Variants in HERC6 observed in about 807,000 individuals in gnomAD.
HERC6 encodes the protein probable E3 ubiquitin-protein ligase HERC6.
HERC6 carries 101 observed loss-of-function variants against 114.5 expected under a neutral mutation model. The observed-to-expected ratio is 0.88, with a 90% confidence interval of 0.75 to 1.04. The LOEUF (loss-of-function observed/expected upper bound fraction) is 1.04, where lower values mean the gene tolerates loss of function less well. Ranked by LOEUF, HERC6 falls within the 50% of genes least tolerant of loss-of-function variation. HERC6 has a pLI of 0.00. For synonymous variants in HERC6, 408 were observed against 436.2 expected, an observed-to-expected ratio of 0.94 and a Z score of 0.81; for missense variants, 1,133 against 1,230.9, an observed-to-expected ratio of 0.92 and a Z score of 1.19.
At chr4:88,390,374 A>C (rs1299894665) in intron 3 of HERC6, among the ~76,000 whole-genome samples, 1 of 152,024 alleles carries the variant, frequency 6.6e-6, no homozygotes, top group Non-Finnish European at 1.5e-5. Context: ...TGTATACTTG[A>C]AGTTTGCTAA....
chr4:88,424,184 C>T (rs1737355626), intron 14 of HERC6, among the ~76,000 whole-genome samples: 1 of 152,152 alleles, frequency 6.6e-6, no homozygotes, highest in African/African-American at 2.4e-5. Flanking sequence ...CTAAGTAATT[C>T]GGATTCTTAC....
intron 15 of HERC6, 42 bp downstream of exon 15, chr4:88,424,744 A>T: frequency 8.3e-7 from 1 of 1,205,764 alleles, no homozygotes; most frequent in Non-Finnish European, 1.2e-6. Flanking sequence ...TTTCAAACAT[A>T]TATAAAATAG....
intron 8 of HERC6, among the ~76,000 whole-genome samples, chr4:88,403,743 G>A (rs2148890851): frequency 6.6e-6 from 1 of 151,896 alleles, no homozygotes; most frequent in South Asian, 2.1e-4. Context: ...GACAGAGCAA[G>A]ACTCTGTCTC....
At chr4:88,398,570 T>C (rs1735371441) in intron 8 of HERC6, 1 of 163,284 alleles carries the variant, frequency 6.1e-6, no homozygotes, top group African/African-American at 2.4e-5. Flanking sequence ...AAGGAAGGGT[T>C]TCTGACATGT....
At chr4:88,417,623 C>T in intron 13 of HERC6, 44 bp downstream of exon 13, 1 of 1,526,728 alleles carries the variant, frequency 6.5e-7, no homozygotes, top group South Asian at 1.2e-5. Flanking sequence ...TTTATGTAAT[C>T]AAAATCCCTT....
intron 11 of HERC6, among the ~76,000 whole-genome samples, chr4:88,409,191 T>C (rs1735960009): frequency 6.6e-6 from 1 of 152,224 alleles, no homozygotes; most frequent in African/African-American, 2.4e-5. Flanking sequence ...TCAAGCCCCT[T>C]TCATCCTCCT....
chr4:88,437,599 C>A, intron 19 of HERC6, 112 bp from the exon 20 acceptor site: 1 of 698,218 alleles, frequency 1.4e-6, no homozygotes. Flanking sequence ...TATTTAGCTC[C>A]AAGTTATTTT....
At position 88,424,322 on chromosome 4, in the gene HERC6, A is replaced by G. The variant is rs75547082; in HGVS notation, c.1828-273A>G. ...GGCAACATGGTGAAACGCTGTCTCT[A>G]TCGAAAAAATACAAATACGTGGTAG... On this transcript the variant is annotated intron_variant, in intron 14 of 22. Transcript: ENST00000264346. Among the ~76,000 whole-genome samples the G allele has an allele frequency of 8.8e-3, 1,347 of 152,254 alleles. 18 individuals carry two copies. Among genetic ancestry groups the G allele is most frequent in the African/African-American group, 0.03 (1,230 of 41,540 alleles).
chr4:88,381,701 G>T (rs1428750299), intron 1 of HERC6, among the ~76,000 whole-genome samples: 2 of 151,784 alleles, frequency 1.3e-5, no homozygotes, highest in African/African-American at 4.8e-5. Flanking sequence ...GGGATTACAG[G>T]CACTCACCAC....
intron 1 of HERC6, among the ~76,000 whole-genome samples, chr4:88,381,539 G>C (rs1734319707): frequency 6.8e-6 from 1 of 148,116 alleles, no homozygotes; most frequent in African/African-American, 2.5e-5. Flanking sequence ...CTTCATCTTA[G>C]GTGACCCTTC....
In HERC6 at chr4:88,413,483, C is replaced by T. The variant is rs1011044293; in HGVS notation, c.1558+217C>T. Among the ~76,000 whole-genome samples the T allele has an allele frequency of 4.5e-4, 68 of 152,078 alleles. 1 individual carries two copies. Among genetic ancestry groups the T allele is most frequent in the Non-Finnish European group, 2.2e-4 (15 of 68,014 alleles). On this transcript the variant is annotated intron_variant, in intron 12 of 22. Transcript: ENST00000264346. Reference sequence around the variant, plus strand: ...TTAGACTTGGATGTGGCTTTGACATCAGAGTTTGGTAGCTATAAGGTATTC... The same window carrying T: ...TTAGACTTGGATGTGGCTTTGACATTAGAGTTTGGTAGCTATAAGGTATTC...
At chr4:88,422,744 A>T (rs562326410) in intron 13 of HERC6, among the ~76,000 whole-genome samples, 1 of 152,258 alleles carries the variant, frequency 6.6e-6, no homozygotes, top group South Asian at 2.1e-4. Context: ...TGCTAATCTC[A>T]TGAAATTATT....
intron 3 of HERC6, among the ~76,000 whole-genome samples, chr4:88,389,489 G>A (rs1319909871): frequency 6.6e-6 from 1 of 152,096 alleles, no homozygotes; most frequent in South Asian, 2.1e-4. Flanking sequence ...GGTGAGAAAT[G>A]GTTGGATTCT....
chr4:88,419,750 C>A (rs1736844455), intron 13 of HERC6, among the ~76,000 whole-genome samples: 1 of 151,968 alleles, frequency 6.6e-6, no homozygotes, highest in African/African-American at 2.4e-5. Context: ...TAATTAAGAC[C>A]ATTACACTGT....
At chr4:88,389,781 G>A (rs950435364) in intron 3 of HERC6, among the ~76,000 whole-genome samples, 2 of 152,086 alleles carry the variant, frequency 1.3e-5, no homozygotes, top group African/African-American at 4.8e-5. Flanking sequence ...GAAATAGAAG[G>A]AAATCCTACC....
chr4:88,405,052 C>A lies in HERC6; in HGVS notation c.1214+55C>A. 4 of 1,579,110 alleles carry A rather than the reference C, an allele frequency of 2.5e-6. No homozygotes were observed. The South Asian group carries it at 3.5e-5, about 14-fold the overall frequency. ...TTTTATCTGGTTCTGGGGCTTTGGT[C>A]ATTTTATCCTAAGATAGAGGTTTTG... is the stretch of plus-strand genomic sequence containing the variant. On this transcript the variant is annotated intron_variant, in intron 9 of 22. Coordinates refer to ENST00000264346, the MANE Select transcript of HERC6 (RefSeq NM_017912.4).
chr4:88,417,619 T>C (rs1736615767), intron 13 of HERC6, 40 bp downstream of exon 13: 1 of 1,546,750 alleles, frequency 6.5e-7, no homozygotes, highest in Non-Finnish European at 8.8e-7. Context: ...CTATTTTATG[T>C]AATCAAAATC....
Position 88,378,927 on chromosome 4 carries a change from C to G in HERC6, c.6C>G (p.Tyr2Ter). The G allele has an allele frequency of 6.3e-7, 1 of 1,591,490 alleles. No individual in the cohort carries two copies. The highest frequency in any genetic ancestry group is 8.5e-7 in the Non-Finnish European group (1 of 1,169,844). The change falls in exon 1 of 23, where the codon TAC becomes TAG. Residue 2 changes from tyrosine (Y) to a stop codon, truncating the protein, a stop_gained. Transcript: ENST00000264346. LOFTEE classifies it high-confidence loss of function. ...CGACAGGGCGCAGAAGCGGGATGTA[C>G]TTCTGTTGGGGCGCCGACTCCAGGG... M[Y>*]FCWGADSREL... is the part of the protein sequence containing the mutation.
chr4:88,382,811 T>A (rs1332984182), intron 1 of HERC6, among the ~76,000 whole-genome samples: 1 of 152,202 alleles, frequency 6.6e-6, no homozygotes, highest in Non-Finnish European at 1.5e-5. Context: ...GGAAAGTCCC[T>A]TGTTTGAAGT....
Sources: gnomAD v4.1 joint callset for allele counts (sites outside exome capture counted in the v4.1 genomes callset) on GRCh38, gnomAD v4.1.1 for gene constraint, MANE v1.5 for transcripts, NCBI Gene and HGNC (gene_info 2026-07-23, HGNC 2026-07-21) for gene names.